The following GRIPAP1 variants were observed in gnomAD, a reference collection of about 807,000 sequenced individuals.
The protein encoded by GRIPAP1 is GRIP1-associated protein 1.
In GRIPAP1, 14 loss-of-function variants were observed where a neutral mutation model predicts 84.1. The observed-to-expected ratio is 0.17, with a 90% CI of 0.11 to 0.26. The LOEUF (loss-of-function observed/expected upper bound fraction) is 0.26. GRIPAP1 is among the 10% of genes least tolerant of loss of function. The pLI is 1.00. For missense variants in GRIPAP1, 518 were observed against 674.2 expected (o/e 0.77, Z 2.57); for synonymous variants, 261 against 256.8 (o/e 1.02, Z -0.15).
intron 1 of GRIPAP1, 21 bp downstream of exon 1, chrX:49,002,167 C>T: frequency 1.8e-6 from 2 of 1,139,047 alleles, no homozygotes; most frequent in Non-Finnish European, 2.4e-6. Flanking sequence ...GCCGGGTGGT[C>T]TTTCCCACCG....
chrX:48,988,557 T>C, intron 11 of GRIPAP1: 2 of 205,345 alleles, frequency 9.7e-6, no homozygotes, highest in Non-Finnish European at 1.8e-5. Context: ...GGATCTCAGA[T>C]GTAGTCAGCA....
At chrX:48,978,158 G>A in intron 22 of GRIPAP1, 147 bp downstream of exon 22, 1 of 551,460 alleles carries the variant, frequency 1.8e-6, no homozygotes, top group Non-Finnish European at 2.9e-6. Context: ...CTGAATCCAA[G>A]TTGGTGGGCT....
chrX:48,979,048 G>C (rs782173161), intron 21 of GRIPAP1, among the ~76,000 whole-genome samples: 1 of 110,877 alleles, frequency 9.0e-6, no homozygotes, highest in Non-Finnish European at 1.9e-5. Flanking sequence ...TGGACACAGG[G>C]TTCAGAGAAA....
In GRIPAP1 at chrX:48,978,324, C is replaced by T. The variant is rs921600885; in HGVS notation, c.2042G>A (p.Ser681Asn). Residue 681 changes from serine to asparagine, a missense_variant, in exon 22 of 26, where the codon AGC becomes AAC. This residue lies in a region of GRIPAP1 where 66 missense variants were observed against 65.2 expected (regional missense o/e 1.01). Transcript: ENST00000376423. ...SYREILREKE[S>N]SAVPARSLSS... is the part of the protein sequence containing the mutation. ...CCTTACCCTGGCTGGAACAGCCGAG[C>T]TCTCCTTTTCCCGCAAGATCTCCCG... 8.3e-7 allele frequency: 1 copy of T among 1,209,531 alleles called. No homozygotes were observed. The highest frequency in any genetic ancestry group is 1.1e-6 in the Non-Finnish European group (1 of 894,149).
chrX:48,988,429 C>T (rs1409779467), intron 11 of GRIPAP1: 12 of 405,002 alleles, frequency 3.0e-5, no homozygotes, highest in Non-Finnish European at 5.2e-5. Context: ...CACGACTAGA[C>T]TCCTGGCCCT....
chrX:48,993,011 G>C (rs782584047), intron 6 of GRIPAP1, among the ~76,000 whole-genome samples: 1 of 110,258 alleles, frequency 9.1e-6, no homozygotes, highest in African/African-American at 3.3e-5. Flanking sequence ...TAGTAGAGAC[G>C]GGGTTTCACC....
intron 13 of GRIPAP1, among the ~76,000 whole-genome samples, 187 bp downstream of exon 13, chrX:48,987,598 A>T (rs2064497683): frequency 1.0e-5 from 1 of 97,618 alleles, no homozygotes; most frequent in Admixed American, 1.1e-4. Flanking sequence ...TTTAAAAGTT[A>T]AAAAAAAAAA....
intron 8 of GRIPAP1, 128 bp downstream of exon 8, chrX:48,990,557 C>G: frequency 1.9e-6 from 1 of 521,960 alleles, no homozygotes; most frequent in South Asian, 2.9e-5. Flanking sequence ...GTGAGTCTCT[C>G]CATTTCACAG....
chrX:48,987,769 C>T lies in GRIPAP1; in HGVS notation c.1041+16G>A. On this transcript the variant is annotated intron_variant, in intron 13 of 25. Transcript: ENST00000376423. ...AACTGGAGAGGGATCAGCAAGGGCC[C>T]CCAGGTGTTCTTTACCTGCTCCAGG... The T allele has an allele frequency of 1.9e-6, 2 of 1,062,497 alleles. No homozygotes were observed. Among genetic ancestry groups the T allele is most frequent in the Non-Finnish European group, 2.6e-6 (2 of 763,423 alleles). The allele number at this position is 1,062,497 out of a possible 1,213,427, so 87.6% of individuals were successfully genotyped here.
At position 48,983,846 on chromosome X, in the gene GRIPAP1, G is replaced by C. The variant is rs1557062989; in HGVS notation, c.1201C>G (p.Leu401Val). Residue 401 changes from leucine (L) to valine (V), a missense_variant, in exon 15 of 26, where the codon CTG becomes GTG. By Grantham distance (32) the Leu-to-Val change is conservative (BLOSUM62 1). Around this residue, in one of 5 missense-constraint regions of GRIPAP1, gnomAD observed 372 missense variants for 458.1 expected, o/e 0.81. Transcript: ENST00000376423. ...LQESLRANSR[L>V]LEQLQEIGQE... Reference sequence around the variant, plus strand: ...CCTATTTCTTGAAGTTGTTCCAGCAGTCGACTATTGGCCCGTAATGACTCC... The same window carrying C: ...CCTATTTCTTGAAGTTGTTCCAGCACTCGACTATTGGCCCGTAATGACTCC... 2 of 1,182,525 alleles carry C rather than the reference G, an allele frequency of 1.7e-6. No individual in the cohort carries two copies. Among genetic ancestry groups the C allele is most frequent in the Admixed American group, 4.4e-5 (2 of 45,864 alleles).
chrX:48,984,035 A>G (rs2064472771), intron 14 of GRIPAP1, among the ~76,000 whole-genome samples, 165 bp from the exon 15 acceptor site: 1 of 111,912 alleles, frequency 8.9e-6, no homozygotes, highest in African/African-American at 3.3e-5. Context: ...GCTCCCCAGT[A>G]TTCATTCTTC....
In GRIPAP1 at chrX:48,997,858, G is replaced by C. The variant is rs2064556065; in HGVS notation, c.198+296C>G. ...GAAATCACCGAGACAGGAACAGGAG[G>C]GGGAGAGACAAAGAGAAGATTGGGA... On this transcript the variant is annotated intron_variant, in intron 4 of 25. Transcript: ENST00000376423. The C allele has an allele frequency of 1.3e-5, 5 of 376,402 alleles. 1 individual carries two copies. The South Asian group carries it at 2.1e-4, about 16-fold the overall frequency. 31.0% of individuals were successfully genotyped at this position (376,402 alleles called of 1,213,427 possible).
chrX:48,981,958 A>G, intron 17 of GRIPAP1, 86 bp from the exon 18 acceptor site: 2 of 623,365 alleles, frequency 3.2e-6, no homozygotes, highest in East Asian at 3.6e-5. Context: ...ATGGGGGCCC[A>G]GAGGTATGCA....
chrX:48,991,178 A>G, intron 6 of GRIPAP1, 68 bp from the exon 7 acceptor site: 1 of 805,654 alleles, frequency 1.2e-6, no homozygotes, highest in Non-Finnish European at 1.9e-6. Context: ...TGCCTCGAAT[A>G]GAGGGAGAAC....
At chrX:48,999,183 G>T in intron 3 of GRIPAP1, 55 bp downstream of exon 3, 1 of 920,423 alleles carries the variant, frequency 1.1e-6, no homozygotes, top group Non-Finnish European at 1.6e-6. Context: ...GAATGAGTCA[G>T]ATAGGTAGAA....
At position 49,002,231 on chromosome X, in the gene GRIPAP1, T is replaced by C; in HGVS notation, c.-2A>G. The C allele has an allele frequency of 2.6e-6, 3 of 1,134,959 alleles. No homozygotes were observed. The highest frequency in any genetic ancestry group is 3.6e-6 in the Non-Finnish European group (3 of 833,253). The allele number at this position is 1,134,959 out of a possible 1,213,427, so 93.5% of individuals were successfully genotyped here. A position where few individuals can be genotyped will look rare whatever the true frequency, so the allele number is the denominator to read the frequency against. On this transcript the variant is annotated 5_prime_UTR_variant, in exon 1 of 26. Transcript: ENST00000376423. Reference sequence around the variant, plus strand: ...CTCCTCAGACAGAGCTTGCGCCATGTTCCTCCCCCCACCCCCCCGCCAGCT... The same window carrying C: ...CTCCTCAGACAGAGCTTGCGCCATGCTCCTCCCCCCACCCCCCCGCCAGCT...
intron 24 of GRIPAP1, 61 bp from the exon 25 acceptor site, chrX:48,975,370 C>T (rs782295759): frequency 2.8e-6 from 3 of 1,087,809 alleles, no homozygotes; most frequent in Middle Eastern, 2.7e-4. Context: ...CCAGGCAGAG[C>T]CAGAGGAGAA....
rs139833570 is a variant in GRIPAP1 at position 48,995,206 on chromosome X, G to A, written c.307-1628C>T. ...CCTGGGAGGAGTTGGAGGAGGAAGGGGACTATGTAGGAAGTCTCTACGACT... is the reference window on the plus strand; with the variant it reads ...CCTGGGAGGAGTTGGAGGAGGAAGGAGACTATGTAGGAAGTCTCTACGACT... On this transcript the variant is annotated intron_variant, in intron 5 of 25. Transcript: ENST00000376423. Among the ~76,000 whole-genome samples the A allele has an allele frequency of 7.8e-3, 876 of 111,959 alleles. 14 individuals are homozygous for A. Among genetic ancestry groups the A allele is most frequent in the African/African-American group, 0.028 (852 of 30,829 alleles).
chrX:49,001,709 T>A (rs2064581431), intron 1 of GRIPAP1, among the ~76,000 whole-genome samples: 2 of 109,665 alleles, frequency 1.8e-5, no homozygotes, highest in Admixed American at 2.0e-4. Flanking sequence ...CTTTCCCCAA[T>A]CCCCGGGCAC....
Sources: gnomAD v4.1 joint callset for allele counts (sites outside exome capture counted in the v4.1 genomes callset) on GRCh38, gnomAD v4.1.1 for gene constraint, gnomAD v4.1.1 regional missense constraint, MANE v1.5 for transcripts, NCBI Gene and HGNC (gene_info 2026-07-23, HGNC 2026-07-21) for gene names.